Variants in PANK3 observed in about 807,000 individuals in gnomAD.
The protein encoded by PANK3 is pantothenate kinase 3, also known as hPanK3.
In PANK3, 20 loss-of-function variants were observed where a neutral mutation model predicts 39.4. The observed-to-expected ratio is 0.51, with a 90% CI of 0.36 to 0.74. The LOEUF (loss-of-function observed/expected upper bound fraction) is 0.74. Among genes scored for constraint, PANK3 ranks in the 30% least tolerant of loss-of-function variants. PANK3 has a pLI of 0.00. For missense variants in PANK3, 265 were observed against 437.0 expected (o/e 0.61, Z 3.51); for synonymous variants, 140 against 157.3 (o/e 0.89, Z 0.82).
chr5:168,576,486 C>A (rs939020691), intron 1 of PANK3, among the ~76,000 whole-genome samples: 1 of 152,144 alleles, frequency 6.6e-6, no homozygotes, highest in African/African-American at 2.4e-5. Flanking sequence ...TCCTTCCTTC[C>A]CCTGGCGTTG....
At chr5:168,575,610 A>C (rs2113037344) in intron 1 of PANK3, among the ~76,000 whole-genome samples, 1 of 152,140 alleles carries the variant, frequency 6.6e-6, no homozygotes, top group East Asian at 1.9e-4. Context: ...ACATGGCAAA[A>C]CCCCATCTCT....
intron 3 of PANK3, among the ~76,000 whole-genome samples, chr5:168,564,438 T>A (rs1759493996): frequency 6.6e-6 from 1 of 152,190 alleles, no homozygotes; most frequent in African/African-American, 2.4e-5. Flanking sequence ...AGAAAATCTG[T>A]AATTTTTCTT....
chr5:168,557,620 C>A lies in PANK3; in HGVS notation c.1064G>T (p.Gly355Val), dbSNP rs1392334590. 1 of 1,613,406 alleles carries A rather than the reference C, an allele frequency of 6.2e-7. No homozygotes were observed. Among genetic ancestry groups the A allele is most frequent in the Non-Finnish European group, 8.5e-7 (1 of 1,179,638 alleles). The change falls in exon 7 of 7, where the codon GGT becomes GTT. Residue 355 changes from glycine to valine, a missense_variant and splice_region_variant. This residue lies in a region of PANK3 where 110 missense variants were observed against 161.2 expected (regional missense o/e 0.68). Transcript: ENST00000239231. ...QLKALFLEHEGYFGAVGALLG... is the reference protein window; with the variant it reads ...QLKALFLEHEVYFGAVGALLG... ...AAGTGCACCAACTGCTCCAAAGTAA[C>A]CCTGTGTAATTTAAAAATAACTGTT...
chr5:168,575,119 T>TC (rs1759711830), intron 1 of PANK3, among the ~76,000 whole-genome samples: 1 of 152,142 alleles, frequency 6.6e-6, no homozygotes, highest in Non-Finnish European at 1.5e-5. Flanking sequence ...TTGATGATGG[T>TC]CAATATACAG....
chr5:168,570,399 A>AT (rs1759609445), intron 1 of PANK3, among the ~76,000 whole-genome samples: 1 of 146,392 alleles, frequency 6.8e-6, no homozygotes, highest in East Asian at 2.0e-4. Flanking sequence ...AAAAAAAAAA[A>AT]GAAAGAAAGA....
intron 1 of PANK3, 32 bp from the exon 2 acceptor site, chr5:168,569,030 A>AAAAAATATATATAT (rs1554125888): frequency 3.3e-5 from 4 of 120,350 alleles, no homozygotes; most frequent in Non-Finnish European, 4.7e-5. Flanking sequence ...AAAAAAAAAA[A>AAAAAATATATATAT]ATATATATAT....
In PANK3 at chr5:168,551,091, A is replaced by G. The variant is rs1295321278; in HGVS notation, c.*6480T>C. The G allele has an allele frequency of 6.6e-6, 1 of 152,192 alleles. No individual in the cohort carries two copies. The highest frequency in any genetic ancestry group is 1.9e-4 in the East Asian group (1 of 5,202). The allele number at this position is 152,192 out of a possible 1,614,324, so 9.4% of individuals were successfully genotyped here. ...GGGCTATCCAAATACTCTTAACAGA[A>G]GGAATTCCTTTTTTAGGTCTTTAGT... is the stretch of plus-strand genomic sequence containing the variant. On this transcript the variant is annotated 3_prime_UTR_variant, in exon 7 of 7. Transcript: ENST00000239231.
chr5:168,560,674 G>A (rs1330974450), intron 5 of PANK3, among the ~76,000 whole-genome samples: 2 of 151,866 alleles, frequency 1.3e-5, no homozygotes, highest in Non-Finnish European at 2.9e-5. Flanking sequence ...ACAAATGAAG[G>A]GTTCCTTCGA....
rs1184513102 is a variant in PANK3, at chr5:168,556,031, AT to A, written c.*1539del. 2.0e-5 allele frequency: 3 copies of A among 152,216 alleles called. No homozygotes were observed. Among genetic ancestry groups the A allele is most frequent in the African/African-American group, 7.2e-5 (3 of 41,456 alleles). 9.4% of individuals were successfully genotyped at this position (152,216 alleles called of 1,614,324 possible). On this transcript the variant is annotated 3_prime_UTR_variant, in exon 7 of 7. Transcript: ENST00000239231. ...AATAACATTGCCTCTGCTGAGTGGA[AT>A]TTGCATTCGTTACTTCAAAATTCAG...
Position 168,553,950 on chromosome 5 carries a change from A to G in PANK3, c.*3621T>C, listed in dbSNP as rs1759311719. The G allele has an allele frequency of 6.6e-6, 1 of 152,208 alleles. No homozygotes were observed. The highest frequency in any genetic ancestry group is 6.5e-5 in the Admixed American group (1 of 15,280). The allele number at this position is 152,208 out of a possible 1,614,324, so 9.4% of individuals were successfully genotyped here. Reference sequence around the variant, plus strand: ...TATTATGAACAACGGCAACAAAACCACGTTTATCCCAAATAAATGTTACAG... The same window carrying G: ...TATTATGAACAACGGCAACAAAACCGCGTTTATCCCAAATAAATGTTACAG... On this transcript the variant is annotated 3_prime_UTR_variant, in exon 7 of 7. Coordinates refer to ENST00000239231, the MANE Select transcript of PANK3 (RefSeq NM_024594.4).
chr5:168,560,542 T>C (rs1759430791), intron 5 of PANK3, among the ~76,000 whole-genome samples: 1 of 152,168 alleles, frequency 6.6e-6, no homozygotes, highest in African/African-American at 2.4e-5. Context: ...GTCACTAGAA[T>C]GAATGCAAGC....
intron 3 of PANK3, among the ~76,000 whole-genome samples, chr5:168,565,177 T>A (rs1759504638): frequency 6.6e-6 from 1 of 152,248 alleles, no homozygotes; most frequent in South Asian, 2.1e-4. Flanking sequence ...TAAACAGAAT[T>A]ACTACTTTAA....
rs867212100 is a variant in PANK3, at chr5:168,553,097, G to T, written c.*4474C>A. ...TTTCTGTTAATGAGCAAAAACTTAC[G>T]ACTTCCAGGGCAAAATGGAAGGGCT... On this transcript the variant is annotated 3_prime_UTR_variant, in exon 7 of 7. Transcript: ENST00000239231. The T allele has an allele frequency of 1.2e-5, 5 of 423,976 alleles. No homozygotes were observed. The highest frequency in any genetic ancestry group is 3.9e-5 in the South Asian group (2 of 51,666). The allele number at this position is 423,976 out of a possible 1,614,324, so 26.3% of individuals were successfully genotyped here.
At chr5:168,567,622 A>G (rs1049707022) in intron 2 of PANK3, among the ~76,000 whole-genome samples, 6 of 152,012 alleles carry the variant, frequency 3.9e-5, no homozygotes, top group Admixed American at 3.3e-4. Context: ...CATTTAAGTT[A>G]TTTATATTCC....
intron 5 of PANK3, among the ~76,000 whole-genome samples, chr5:168,559,422 T>C (rs1759408244): frequency 6.6e-6 from 1 of 152,078 alleles, no homozygotes; most frequent in Admixed American, 6.5e-5. Flanking sequence ...TGATGATGTG[T>C]GCACAGGGTT....
At position 168,555,741 on chromosome 5, in the gene PANK3, T is replaced by C. The variant is rs1372376984; in HGVS notation, c.*1830A>G. 1 of 152,266 alleles carries C rather than the reference T, an allele frequency of 6.6e-6. No homozygotes were observed. The highest frequency in any genetic ancestry group is 1.5e-5 in the Non-Finnish European group (1 of 68,038). 9.4% of individuals were successfully genotyped at this position (152,266 alleles called of 1,614,324 possible). On this transcript the variant is annotated 3_prime_UTR_variant, in exon 7 of 7. Transcript: ENST00000239231. The stretch of plus-strand genomic sequence containing the variant: ...GCTACTGCACTGGACATCGAAGTTC[T>C]AGAACTCTCTCTTACAAATGAACAC...
Position 168,559,019 on chromosome 5 carries a change from T to A in PANK3, c.1062+13A>T, listed in dbSNP as rs751004990. The A allele has an allele frequency of 1.3e-6, 2 of 1,595,556 alleles. No individual in the cohort carries two copies. Among genetic ancestry groups the A allele is most frequent in the South Asian group, 2.3e-5 (2 of 87,246 alleles). ...TGCTATTAAAATTCACAAAAAACAT[T>A]TTCCTACCATACCTCATGTTCTAGA... is the stretch of plus-strand genomic sequence containing the variant. On this transcript the variant is annotated intron_variant, in intron 6 of 6. Transcript: ENST00000239231.
intron 1 of PANK3, among the ~76,000 whole-genome samples, chr5:168,572,000 A>G (rs1759638513): frequency 1.3e-5 from 2 of 152,196 alleles, no homozygotes; most frequent in Non-Finnish European, 2.9e-5. Context: ...TTGAGCTCAA[A>G]CACAATACTT....
intron 5 of PANK3, among the ~76,000 whole-genome samples, chr5:168,559,941 G>C (rs763882731): frequency 8.5e-5 from 13 of 152,068 alleles, no homozygotes; most frequent in Non-Finnish European, 1.3e-4. Context: ...CACTAATTTG[G>C]TTTCTTAGAT....
Sources: allele counts gnomAD v4.1 joint callset (sites outside exome capture counted in the v4.1 genomes callset), GRCh38; gene constraint gnomAD v4.1.1; regional missense constraint gnomAD v4.1.1; transcripts MANE v1.5; gene names NCBI Gene and HGNC (gene_info 2026-07-23, HGNC 2026-07-21).